The following TMCC3 variants were observed in gnomAD, a reference collection of about 807,000 sequenced individuals.
TMCC3 encodes transmembrane and coiled-coil domain family 3.
In TMCC3, 28 loss-of-function variants were observed where a neutral mutation model predicts 40.2. The ratio of observed to expected loss-of-function variants is 0.70; its 90% CI spans 0.52 to 0.95. TMCC3 has a LOEUF of 0.95. TMCC3 is among the 40% of genes least tolerant of loss of function. The pLI, the probability that TMCC3 is intolerant of heterozygous loss-of-function variation, is 0.00. For synonymous variants in TMCC3, 255 were observed against 248.5 expected (o/e 1.03, Z -0.25); for missense variants, 554 against 615.2 (o/e 0.90, Z 1.05).
At chr12:94,648,050 C>G (rs552221121) in intron 1 of TMCC3, among the ~76,000 whole-genome samples, 7 of 152,222 alleles carry the variant, frequency 4.6e-5, no homozygotes, top group South Asian at 2.1e-4. Context: ...AGTTCTAGCC[C>G]TTCTCTGATT....
intron 1 of TMCC3, among the ~76,000 whole-genome samples, chr12:94,585,672 C>A (rs754908878): frequency 7.2e-6 from 1 of 139,658 alleles, no homozygotes; most frequent in Non-Finnish European, 1.5e-5. Context: ...AGTGACAGAG[C>A]GAGACACCGT....
At chr12:94,592,539 G>C (rs1044181098) in intron 1 of TMCC3, among the ~76,000 whole-genome samples, 5 of 149,814 alleles carry the variant, frequency 3.3e-5, no homozygotes, top group African/African-American at 9.9e-5. Flanking sequence ...AGCTACTCAG[G>C]AGGCTGAGGC....
intron 1 of TMCC3, among the ~76,000 whole-genome samples, chr12:94,641,954 T>C (rs944394722): frequency 6.6e-6 from 1 of 151,578 alleles, no homozygotes; most frequent in African/African-American, 2.4e-5. Context: ...AACAATACAG[T>C]GCAAAGTAGT....
intron 1 of TMCC3, chr12:94,616,072 C>T: frequency 2.0e-6 from 2 of 985,272 alleles, no homozygotes; most frequent in Non-Finnish European, 2.4e-6. Flanking sequence ...AGATACTGCT[C>T]ACATTATCTC....
chr12:94,640,593 G>A (rs886498349), intron 1 of TMCC3, among the ~76,000 whole-genome samples: 8 of 152,174 alleles, frequency 5.3e-5, no homozygotes, highest in African/African-American at 1.9e-4. Context: ...GGAGATAACT[G>A]ATTTAGAAAT....
chr12:94,582,702 G>T (rs1453875786), intron 1 of TMCC3, among the ~76,000 whole-genome samples, 164 bp from the exon 2 acceptor site: 1 of 151,300 alleles, frequency 6.6e-6, no homozygotes, highest in Non-Finnish European at 1.5e-5. Context: ...TGAACATAGA[G>T]GCAGCCTGGC....
intron 1 of TMCC3, among the ~76,000 whole-genome samples, chr12:94,619,404 G>A (rs555540255): frequency 3.9e-5 from 6 of 152,214 alleles, no homozygotes; most frequent in African/African-American, 1.4e-4. Flanking sequence ...TACTAAGCCA[G>A]TCCCTAGCTT....
At position 94,582,122 on chromosome 12, in the gene TMCC3, G is replaced by C. The variant is rs777097835; in HGVS notation, c.495C>G (p.Arg165=). 9.3e-6 allele frequency: 15 copies of C among 1,614,046 alleles called. No homozygotes were observed. The Admixed American group carries it at 1.0e-4, about 11-fold the overall frequency. ...ISKDHLKDIH[R]SLKDAHVKSR... Reference sequence around the variant, plus strand: ...ATTTCACGTGGGCATCTTTCAAAGAGCGATGTATATCCTTCAGGTGGTCTT... The same window carrying C: ...ATTTCACGTGGGCATCTTTCAAAGACCGATGTATATCCTTCAGGTGGTCTT... Residue 165 remains arginine, a synonymous_variant, in exon 2 of 4, where the codon CGC becomes CGG. Transcript: ENST00000261226.
intron 1 of TMCC3, among the ~76,000 whole-genome samples, chr12:94,625,568 TG>T (rs760001261): frequency 2.9e-5 from 4 of 136,026 alleles, no homozygotes; most frequent in Non-Finnish European, 6.1e-5. Flanking sequence ...CACTCCAGTC[TG>T]GGCAACAGAG....
At chr12:94,638,174 A>G (rs1354741200) in intron 1 of TMCC3, among the ~76,000 whole-genome samples, 1 of 152,216 alleles carries the variant, frequency 6.6e-6, no homozygotes, top group Non-Finnish European at 1.5e-5. Context: ...TGTAAAAATA[A>G]AAGAGTGATC....
At chr12:94,572,061 G>A (rs1422496843) in intron 3 of TMCC3, among the ~76,000 whole-genome samples, 1 of 152,110 alleles carries the variant, frequency 6.6e-6, no homozygotes, top group Non-Finnish European at 1.5e-5. Context: ...GTGCAGTGGT[G>A]CGATCTCAGC....
chr12:94,571,748 G>A lies in TMCC3; in HGVS notation c.1132-11C>T, dbSNP rs1221964274. On this transcript the variant is annotated splice_polypyrimidine_tract_variant and intron_variant, in intron 3 of 3. Coordinates refer to ENST00000261226, the MANE Select transcript of TMCC3 (RefSeq NM_020698.4). ...GGATTCCAAGGCTTCCTGTGAGCAA[G>A]AGGGAGAGCAAGGGTCAAACGGTGT... 1 of 1,612,864 alleles carries A rather than the reference G, an allele frequency of 6.2e-7. No individual in the cohort carries two copies. The highest frequency in any genetic ancestry group is 8.5e-7 in the Non-Finnish European group (1 of 1,179,298).
At chr12:94,591,141 G>A (rs762447766) in intron 1 of TMCC3, 9 of 413,206 alleles carry the variant, frequency 2.2e-5, no homozygotes, top group Middle Eastern at 8.9e-4. Flanking sequence ...AATTTGTCCT[G>A]TATGGAAAAT....
chr12:94,591,033 C>A (rs1248882530), intron 1 of TMCC3: 5 of 544,656 alleles, frequency 9.2e-6, no homozygotes, highest in Non-Finnish European at 1.8e-5. Context: ...AAGAAACATA[C>A]GAAGAGATAT....
chr12:94,584,993 G>C (rs546076724), intron 1 of TMCC3, among the ~76,000 whole-genome samples: 5 of 152,176 alleles, frequency 3.3e-5, no homozygotes, highest in South Asian at 4.2e-4. Flanking sequence ...TCAAATTATA[G>C]CAACAGAGAA....
At chr12:94,586,311 C>A (rs923385203) in intron 1 of TMCC3, among the ~76,000 whole-genome samples, 9 of 152,128 alleles carry the variant, frequency 5.9e-5, no homozygotes, top group African/African-American at 2.2e-4. Flanking sequence ...ATTGTGTGAC[C>A]AGCAGCCAGT....
At chr12:94,587,785 G>A (rs2068646698) in intron 1 of TMCC3, among the ~76,000 whole-genome samples, 1 of 152,182 alleles carries the variant, frequency 6.6e-6, no homozygotes, top group South Asian at 2.1e-4. Context: ...TTTGCACCGT[G>A]GGGTTATGCG....
chr12:94,633,605 T>C (rs1268389414), intron 1 of TMCC3, among the ~76,000 whole-genome samples: 2 of 152,224 alleles, frequency 1.3e-5, no homozygotes, highest in Admixed American at 1.3e-4. Flanking sequence ...CATTACCTTA[T>C]AATTTTGGAA....
intron 1 of TMCC3, among the ~76,000 whole-genome samples, chr12:94,625,088 GC>G (rs1390273426): frequency 2.0e-5 from 3 of 149,490 alleles, no homozygotes; most frequent in Non-Finnish European, 4.4e-5. Flanking sequence ...GTTGCAGTGA[GC>G]CGAGATTGCA....
Sources: gnomAD v4.1 joint callset for allele counts (sites outside exome capture counted in the v4.1 genomes callset) on GRCh38, gnomAD v4.1.1 for gene constraint, MANE v1.5 for transcripts, NCBI Gene and HGNC (gene_info 2026-07-23, HGNC 2026-07-21) for gene names.